MCCC2: variants seen among roughly 807,000 people sequenced by gnomAD.
MCCC2 encodes methylcrotonyl-CoA carboxylase subunit 2, also known as methylcrotonoyl-CoA carboxylase beta chain, mitochondrial.
A neutral mutation model predicts 77.2 loss-of-function variants in MCCC2; 52 were observed. The observed-to-expected ratio is 0.67, with a 90% CI of 0.54 to 0.85. The LOEUF (loss-of-function observed/expected upper bound fraction) is 0.85, where lower values mean the gene tolerates loss of function less well. Ranked by LOEUF, MCCC2 falls within the 40% of genes least tolerant of loss-of-function variation. The pLI is 0.00. For synonymous variants in MCCC2, 253 were observed against 248.4 expected, an observed-to-expected ratio of 1.02 and a Z score of -0.18; for missense variants, 682 against 703.2, an observed-to-expected ratio of 0.97 and a Z score of 0.34.
chr5:71,641,743 T>TA (rs1304541851), intron 11 of MCCC2, among the ~76,000 whole-genome samples: 4 of 152,184 alleles, frequency 2.6e-5, no homozygotes, highest in Non-Finnish European at 5.9e-5. Context: ...TACTTGTTCA[T>TA]AAAAAACTTG....
At chr5:71,593,785 T>C (rs72759469) in intron 2 of MCCC2, among the ~76,000 whole-genome samples, 16 of 152,302 alleles carry the variant, frequency 1.1e-4, no homozygotes, top group Non-Finnish European at 1.8e-4. Context: ...AGATAACTTT[T>C]ATCAACAAGT....
intron 1 of MCCC2, among the ~76,000 whole-genome samples, chr5:71,592,303 C>G (rs1293991481): frequency 1.3e-5 from 2 of 152,158 alleles, no homozygotes; most frequent in Admixed American, 1.3e-4. Context: ...ATCGCTTGAT[C>G]TCGGGAGGCG....
chr5:71,631,633 C>T (rs990744571), intron 7 of MCCC2, among the ~76,000 whole-genome samples: 9 of 151,656 alleles, frequency 5.9e-5, no homozygotes, highest in Non-Finnish European at 8.8e-5. Flanking sequence ...CTCCGCTTCC[C>T]GGGTTCACGC....
At chr5:71,606,101 A>C (rs1022097343) in intron 6 of MCCC2, among the ~76,000 whole-genome samples, 4 of 151,960 alleles carry the variant, frequency 2.6e-5, no homozygotes, top group African/African-American at 9.7e-5. Flanking sequence ...GTTTTTTCCA[A>C]TTCTGTGAAG....
chr5:71,643,241 G>C (rs1438086448), intron 11 of MCCC2, among the ~76,000 whole-genome samples: 2 of 151,902 alleles, frequency 1.3e-5, no homozygotes, highest in Admixed American at 1.3e-4. Context: ...AACTAGCTGG[G>C]TGTGGGGGTG....
At chr5:71,645,664 C>T (rs1241162682) in intron 12 of MCCC2, among the ~76,000 whole-genome samples, 1 of 152,168 alleles carries the variant, frequency 6.6e-6, no homozygotes, top group Non-Finnish European at 1.5e-5. Context: ...CAGAGTTCAG[C>T]AATTCTCATT....
chr5:71,605,634 C>T (rs62361817), intron 6 of MCCC2, among the ~76,000 whole-genome samples: 126,082 of 149,626 alleles, frequency 0.84, 53,629 homozygotes, highest in East Asian at 0.99. Context: ...TTTGGTGTTT[C>T]GGACATGAAG....
intron 6 of MCCC2, among the ~76,000 whole-genome samples, chr5:71,626,187 C>T (rs1389744663): frequency 1.3e-5 from 2 of 152,218 alleles, no homozygotes; most frequent in Non-Finnish European, 2.9e-5. Flanking sequence ...GAAAGTATTA[C>T]ATCCAGCGTA....
intron 13 of MCCC2, among the ~76,000 whole-genome samples, chr5:71,647,871 G>C (rs1189348204): frequency 6.6e-6 from 1 of 151,278 alleles, no homozygotes; most frequent in Non-Finnish European, 1.5e-5. Flanking sequence ...AGAAGGATTT[G>C]AGAAAGCGAA....
At position 71,657,051 on chromosome 5, in the gene MCCC2, A is replaced by T. The variant is rs142332769; in HGVS notation, c.*191A>T. 6.1e-4 allele frequency: 326 copies of T among 533,102 alleles called. No homozygotes were observed. The highest frequency in any genetic ancestry group is 5.4e-3 in the African/African-American group (284 of 52,360). The allele number at this position is 533,102 out of a possible 1,614,324, so 33.0% of individuals were successfully genotyped here. ...ACATCAATTCCTTTTAAATTTTCTT[A>T]GAGAAATTTCTCTGTGGCTCAGTTT... On this transcript the variant is annotated 3_prime_UTR_variant, in exon 17 of 17. Coordinates refer to ENST00000340941, the MANE Select transcript of MCCC2 (RefSeq NM_022132.5).
chr5:71,647,626 T>G (rs1407465174), intron 13 of MCCC2, among the ~76,000 whole-genome samples: 1 of 152,136 alleles, frequency 6.6e-6, no homozygotes, highest in Non-Finnish European at 1.5e-5. Context: ...TGGAGGCATA[T>G]AGTGGGCAGG....
At chr5:71,653,850 C>CAAAAAAAAAA (rs33938603) in intron 16 of MCCC2, among the ~76,000 whole-genome samples, 1 of 122,650 alleles carries the variant, frequency 8.2e-6, no homozygotes, top group African/African-American at 3.1e-5. Context: ...GGCCCTATCT[C>CAAAAAAAAAA]AAAAAAAAAA....
At chr5:71,590,283 G>A (rs371511988) in intron 1 of MCCC2, among the ~76,000 whole-genome samples, 1 of 152,146 alleles carries the variant, frequency 6.6e-6, no homozygotes, top group African/African-American at 2.4e-5. Context: ...GGTTGATAAA[G>A]GATTGCCTGG....
chr5:71,609,384 T>A (rs1745823773), intron 6 of MCCC2, among the ~76,000 whole-genome samples: 2 of 152,034 alleles, frequency 1.3e-5, no homozygotes, highest in Admixed American at 1.3e-4. Context: ...TCTGCATTCT[T>A]CACGTAGTTC....
In MCCC2 at chr5:71,635,444, G is replaced by A. The variant is rs1254803224; in HGVS notation, c.999+198G>A. ...GGCACAGAGTAAATACTGAAAGAGGGGAGTGGGGGACCTCAATGATTGGAA... is the reference window on the plus strand; with the variant it reads ...GGCACAGAGTAAATACTGAAAGAGGAGAGTGGGGGACCTCAATGATTGGAA... On this transcript the variant is annotated intron_variant, in intron 10 of 16. Transcript: ENST00000340941. 4.6e-6 allele frequency: 3 copies of A among 656,570 alleles called. No individual in the cohort carries two copies. In the East Asian group the frequency reaches 8.8e-5, roughly 19 times the overall value. 40.7% of individuals were successfully genotyped at this position (656,570 alleles called of 1,614,324 possible). A position where few individuals can be genotyped will look rare whatever the true frequency, so the allele number is the denominator to read the frequency against.
chr5:71,616,315 C>T (rs1482608354), intron 6 of MCCC2, among the ~76,000 whole-genome samples: 1 of 152,212 alleles, frequency 6.6e-6, no homozygotes, highest in African/African-American at 2.4e-5. Flanking sequence ...GATTTACAGT[C>T]AATCAGAAAT....
At position 71,587,368 on chromosome 5, in the gene MCCC2, G is replaced by GGGGAAAGCACCGGCTCC; in HGVS notation, c.-57_-41dup. 12 of 1,521,848 alleles carry GGGGAAAGCACCGGCTCC rather than the reference G, an allele frequency of 7.9e-6. No homozygotes were observed. Among genetic ancestry groups the GGGGAAAGCACCGGCTCC allele is most frequent in the Non-Finnish European group, 1.1e-5 (12 of 1,140,470 alleles). 94.3% of individuals were successfully genotyped at this position (1,521,848 alleles called of 1,614,324 possible). ...TTCCGCCCCAGCCAGGGAAGCGGCAGGGGAAAGCACCGGCTCCAGGCCAGC... is the reference window on the plus strand; with the variant it reads ...TTCCGCCCCAGCCAGGGAAGCGGCAGGGGAAAGCACCGGCTCCGGGAAAGCACCGGCTCCAGGCCAGC... On this transcript the variant is annotated 5_prime_UTR_variant, in exon 1 of 17. Coordinates refer to ENST00000340941, the MANE Select transcript of MCCC2 (RefSeq NM_022132.5).
intron 14 of MCCC2, among the ~76,000 whole-genome samples, chr5:71,649,477 A>G (rs1307638086): frequency 6.6e-6 from 1 of 152,218 alleles, no homozygotes; most frequent in Admixed American, 6.5e-5. Context: ...ATGGCTGATA[A>G]TGAAAATGCC....
chr5:71,591,683 C>T (rs1013445412), intron 1 of MCCC2, among the ~76,000 whole-genome samples: 9 of 151,720 alleles, frequency 5.9e-5, no homozygotes, highest in South Asian at 2.1e-4. Context: ...GTGATCTGCC[C>T]GCCTCGGCCT....
Sources: gnomAD v4.1 joint callset for allele counts (sites outside exome capture counted in the v4.1 genomes callset) on GRCh38, gnomAD v4.1.1 for gene constraint, MANE v1.5 for transcripts, NCBI Gene and HGNC (gene_info 2026-07-23, HGNC 2026-07-21) for gene names.